The following CTDSPL variants were observed in gnomAD, a reference collection of about 807,000 sequenced individuals.
CTDSPL encodes the protein CTD small phosphatase-like protein.
In CTDSPL, 8 loss-of-function variants were observed where a neutral mutation model predicts 30.5. The observed-to-expected ratio is 0.26, with a 90% CI of 0.15 to 0.47. CTDSPL has a LOEUF of 0.47. Among genes scored for constraint, CTDSPL ranks in the 20% least tolerant of loss-of-function variants. The pLI is 0.99. For synonymous variants in CTDSPL, 110 were observed against 137.9 expected (o/e 0.80, Z 1.42); for missense variants, 248 against 366.1 (o/e 0.68, Z 2.63).
Position 37,879,743 on chromosome 3 carries a change from C to T in CTDSPL, c.79+17465C>T, listed in dbSNP as rs932317905. Among the ~76,000 whole-genome samples the T allele has an allele frequency of 2.4e-4, 36 of 152,132 alleles. 1 individual carries two copies. The highest frequency in any genetic ancestry group is 2.4e-3 in the Admixed American group (36 of 15,278). ...TAAGGATGTGGGCTTGGATTTGAATCCCAGCTATATCACTTAAGAGTTATG... is the reference window on the plus strand; with the variant it reads ...TAAGGATGTGGGCTTGGATTTGAATTCCAGCTATATCACTTAAGAGTTATG... On this transcript the variant is annotated intron_variant, in intron 1 of 7. Transcript: ENST00000273179.
At chr3:37,874,105 A>G (rs62241551) in intron 1 of CTDSPL, among the ~76,000 whole-genome samples, 15,293 of 152,256 alleles carry the variant, frequency 0.1, 1,224 homozygotes, top group South Asian at 0.23. Context: ...GTGCGTAGAC[A>G]GGGCTTGCTG....
At chr3:37,889,393 C>G (rs541673327) in intron 1 of CTDSPL, among the ~76,000 whole-genome samples, 1 of 152,064 alleles carries the variant, frequency 6.6e-6, no homozygotes, top group Admixed American at 6.6e-5. Flanking sequence ...ATATCACTAA[C>G]TAAACAATTA....
intron 1 of CTDSPL, among the ~76,000 whole-genome samples, chr3:37,932,746 G>A (rs1339322264): frequency 1.3e-5 from 2 of 152,206 alleles, no homozygotes; most frequent in African/African-American, 4.8e-5. Flanking sequence ...TGCCTTCCTA[G>A]GTGGCAGATT....
At chr3:37,969,431 G>A (rs756293180) in intron 5 of CTDSPL, 1 of 531,972 alleles carries the variant, frequency 1.9e-6, no homozygotes, top group Non-Finnish European at 3.9e-6. Context: ...ATCCAGGATA[G>A]GCTGTGCAGG....
chr3:37,878,705 A>G (rs574578546), intron 1 of CTDSPL, among the ~76,000 whole-genome samples: 1 of 152,326 alleles, frequency 6.6e-6, no homozygotes, highest in South Asian at 2.1e-4. Flanking sequence ...GAAAGGCAAG[A>G]TGTAGGACTT....
intron 1 of CTDSPL, among the ~76,000 whole-genome samples, chr3:37,902,094 C>T (rs143406313): frequency 2.6e-5 from 4 of 152,288 alleles, no homozygotes; most frequent in East Asian, 3.9e-4. Flanking sequence ...TCTTGAAACT[C>T]TCAGCTTATA....
chr3:37,973,488 A>G (rs964618953), intron 6 of CTDSPL, among the ~76,000 whole-genome samples: 37 of 152,158 alleles, frequency 2.4e-4, no homozygotes, highest in Non-Finnish European at 2.6e-4. Flanking sequence ...CTGCTACTCC[A>G]GCCTTGCTGA....
intron 2 of CTDSPL, among the ~76,000 whole-genome samples, chr3:37,952,719 A>G (rs183821186): frequency 6.6e-6 from 1 of 152,382 alleles, no homozygotes; most frequent in East Asian, 1.9e-4. Flanking sequence ...TGGCTATCCA[A>G]TAGCAACAGG....
chr3:37,936,856 C>T (rs1698922527), intron 1 of CTDSPL, among the ~76,000 whole-genome samples: 1 of 152,072 alleles, frequency 6.6e-6, no homozygotes, highest in Non-Finnish European at 1.5e-5. Context: ...TGGTACAGAG[C>T]ATATGTTTAA....
chr3:37,971,105 C>T (rs1423844952), intron 5 of CTDSPL, among the ~76,000 whole-genome samples: 1 of 152,212 alleles, frequency 6.6e-6, no homozygotes, highest in Non-Finnish European at 1.5e-5. Context: ...TACACACAAA[C>T]ATGGTACAAC....
chr3:37,900,588 G>T (rs1354951561), intron 1 of CTDSPL, among the ~76,000 whole-genome samples: 1 of 152,136 alleles, frequency 6.6e-6, no homozygotes, highest in Non-Finnish European at 1.5e-5. Flanking sequence ...AAACGATAAA[G>T]ATAAGTCATC....
chr3:37,935,966 G>A (rs1206232667), intron 1 of CTDSPL, among the ~76,000 whole-genome samples: 1 of 152,140 alleles, frequency 6.6e-6, no homozygotes, highest in African/African-American at 2.4e-5. Flanking sequence ...AAATGGGTTG[G>A]TCATGTCAGT....
At chr3:37,957,991 A>G (rs1257031958) in intron 3 of CTDSPL, among the ~76,000 whole-genome samples, 1 of 152,258 alleles carries the variant, frequency 6.6e-6, no homozygotes, top group Admixed American at 6.5e-5. Context: ...AAATGTGTCT[A>G]TAAATTAATT....
chr3:37,912,654 G>A (rs1698597098), intron 1 of CTDSPL, among the ~76,000 whole-genome samples: 1 of 152,210 alleles, frequency 6.6e-6, no homozygotes, highest in African/African-American at 2.4e-5. Context: ...AAGGGAACTT[G>A]GCACTATAAA....
At chr3:37,967,478 C>T (rs1699310893) in intron 4 of CTDSPL, among the ~76,000 whole-genome samples, 1 of 152,222 alleles carries the variant, frequency 6.6e-6, no homozygotes, top group Non-Finnish European at 1.5e-5. Flanking sequence ...TCAGCTCCTC[C>T]CCCTGGTGGC....
At chr3:37,964,796 A>AG (rs1699282400) in intron 4 of CTDSPL, 124 bp downstream of exon 4, 1 of 662,742 alleles carries the variant, frequency 1.5e-6, no homozygotes, top group Admixed American at 2.6e-5. Context: ...TTCATGTAGA[A>AG]ATCCCAGGAG....
chr3:37,869,901 A>C (rs935360266), intron 1 of CTDSPL, among the ~76,000 whole-genome samples: 1 of 152,192 alleles, frequency 6.6e-6, no homozygotes, highest in Non-Finnish European at 1.5e-5. Context: ...TGTTAATGCG[A>C]TAGATTAAAC....
intron 4 of CTDSPL, among the ~76,000 whole-genome samples, chr3:37,965,329 A>G (rs142952026): frequency 3.4e-4 from 52 of 152,314 alleles, no homozygotes; most frequent in African/African-American, 1.1e-3. Context: ...TCCTGCTGGA[A>G]AAACAGCAGA....
rs1440306994 is a variant in CTDSPL at position 37,983,301 on chromosome 3, A to G, written c.*2434A>G. The G allele has an allele frequency of 6.6e-6, 1 of 152,184 alleles. No individual in the cohort carries two copies. Among genetic ancestry groups the G allele is most frequent in the Non-Finnish European group, 1.5e-5 (1 of 68,012 alleles). The allele number at this position is 152,184 out of a possible 1,614,324, so 9.4% of individuals were successfully genotyped here. A position where few individuals can be genotyped will look rare whatever the true frequency, so the allele number is the denominator to read the frequency against. ...AATCAAAATATCTATATCTATATCT[A>G]TATCTATATCTATATATTTTTAATC... On this transcript the variant is annotated 3_prime_UTR_variant, in exon 8 of 8. Coordinates refer to ENST00000273179, the MANE Select transcript of CTDSPL (RefSeq NM_001008392.2).
Sources: gnomAD v4.1 joint callset for allele counts (sites outside exome capture counted in the v4.1 genomes callset) on GRCh38, gnomAD v4.1.1 for gene constraint, MANE v1.5 for transcripts, NCBI Gene and HGNC (gene_info 2026-07-23, HGNC 2026-07-21) for gene names.